Variants in POLE2 observed in about 807,000 individuals in gnomAD.
POLE2 encodes the protein DNA polymerase epsilon subunit 2.
POLE2 carries 56 observed loss-of-function variants against 79.4 expected under a neutral mutation model. That is an observed-to-expected ratio of 0.71 (90% confidence interval 0.57 to 0.88). The LOEUF (loss-of-function observed/expected upper bound fraction) is 0.88. POLE2 is among the 40% of genes least tolerant of loss of function. The probability of loss-of-function intolerance (pLI) is 0.00; values close to 1 mark genes in which losing one functional copy is unlikely to be tolerated. For synonymous variants in POLE2, 212 were observed against 214.0 expected, an observed-to-expected ratio of 0.99 and a Z score of 0.08; for missense variants, 598 against 638.9, an observed-to-expected ratio of 0.94 and a Z score of 0.69.
chr14:49,678,522 GTAAA>G (rs749545577), intron 3 of POLE2, among the ~76,000 whole-genome samples: 10 of 152,148 alleles, frequency 6.6e-5, no homozygotes, highest in East Asian at 1.9e-4. Flanking sequence ...GGGAAAATAA[GTAAA>G]TAAATAAATA....
rs201938389 is a variant in POLE2 at position 49,664,756 on chromosome 14, AAAT to A, written c.634-85_634-83del. 1,617 of 859,812 alleles carry A rather than the reference AAAT, an allele frequency of 1.9e-3. 22 individuals are homozygous for A. In the African/African-American group the frequency reaches 0.024, roughly 13 times the overall value. 53.3% of individuals were successfully genotyped at this position (859,812 alleles called of 1,614,324 possible). A position where few individuals can be genotyped will look rare whatever the true frequency, so the allele number is the denominator to read the frequency against. ...ACATTTTGAGTCCAACAAGGCTTCT[AAAT>A]AATAAATTTAAAGACTTCCCATTTG... On this transcript the variant is annotated intron_variant, in intron 8 of 18. Transcript: ENST00000216367.
At position 49,643,644 on chromosome 14, in the gene POLE2, T is replaced by G. The variant is rs1883551093; in HGVS notation, c.*8A>C. On this transcript the variant is annotated 3_prime_UTR_variant, in exon 19 of 19. Coordinates refer to ENST00000216367, the MANE Select transcript of POLE2 (RefSeq NM_002692.4). ...TGATGAATTTTCTTCAGATGATCTT[T>G]AAGAATCTCAAAAGCCTTGAAGTTT... The G allele has an allele frequency of 2.1e-6, 3 of 1,398,248 alleles. No homozygotes were observed. In the African/African-American group the frequency reaches 4.3e-5, roughly 20 times the overall value. 86.6% of individuals were successfully genotyped at this position (1,398,248 alleles called of 1,614,324 possible).
chr14:49,684,994 A>C (rs1425323719), intron 1 of POLE2, among the ~76,000 whole-genome samples: 1 of 152,106 alleles, frequency 6.6e-6, no homozygotes, highest in Admixed American at 6.6e-5. Context: ...AAATAAATAA[A>C]ATAAAATCAC....
intron 16 of POLE2, 136 bp downstream of exon 16, chr14:49,651,133 A>G: frequency 2.0e-6 from 1 of 501,528 alleles, no homozygotes; most frequent in Admixed American, 3.6e-5. Flanking sequence ...AAATTAACTT[A>G]CTGACAAAAG....
At chr14:49,660,730 A>G (rs1453661576) in intron 10 of POLE2, among the ~76,000 whole-genome samples, 4 of 152,136 alleles carry the variant, frequency 2.6e-5, no homozygotes, top group Non-Finnish European at 5.9e-5. Flanking sequence ...TGTCTCTACT[A>G]AAAATACAAA....
chr14:49,656,710 C>T (rs1166369820), intron 10 of POLE2, among the ~76,000 whole-genome samples: 1 of 152,168 alleles, frequency 6.6e-6, no homozygotes, highest in Admixed American at 6.5e-5. Context: ...CAGTTCCCAG[C>T]TTAAATGCAA....
intron 3 of POLE2, among the ~76,000 whole-genome samples, chr14:49,675,286 G>A (rs772967492): frequency 6.6e-6 from 1 of 151,748 alleles, no homozygotes; most frequent in Non-Finnish European, 1.5e-5. Flanking sequence ...GTTTCTTTAT[G>A]TTGGTCAGGC....
At chr14:49,682,559 C>T (rs1191106466) in intron 2 of POLE2, among the ~76,000 whole-genome samples, 1 of 147,240 alleles carries the variant, frequency 6.8e-6, no homozygotes, top group African/African-American at 2.5e-5. Flanking sequence ...ATCATTTGAA[C>T]CCAGGAGGCA....
At chr14:49,670,418 T>C (rs1175826504) in intron 5 of POLE2, among the ~76,000 whole-genome samples, 1 of 151,608 alleles carries the variant, frequency 6.6e-6, no homozygotes, top group African/African-American at 2.4e-5. Flanking sequence ...AGTTGAATTA[T>C]GCGGTGCACA....
chr14:49,650,443 T>C lies in POLE2; in HGVS notation c.1321-2A>G. 1 of 1,442,616 alleles carries C rather than the reference T, an allele frequency of 6.9e-7. No individual in the cohort carries two copies. The highest frequency in any genetic ancestry group is 9.2e-7 in the Non-Finnish European group (1 of 1,086,832). 89.4% of individuals were successfully genotyped at this position (1,442,616 alleles called of 1,614,324 possible). A position where few individuals can be genotyped will look rare whatever the true frequency, so the allele number is the denominator to read the frequency against. On this transcript the variant is annotated splice_acceptor_variant, in intron 16 of 18. Transcript: ENST00000216367. LOFTEE classifies it high-confidence loss of function. The stretch of plus-strand genomic sequence containing the variant: ...TTGGGATAAGATAGTCTTTACAAAC[T>C]ACAAAAGAGCACAAAACAAAGCAAA...
Position 49,650,421 on chromosome 14 carries a change from G to T in POLE2, c.1341C>A (p.Ser447=). 6.6e-7 allele frequency: 1 copy of T among 1,515,956 alleles called. No homozygotes were observed. The highest frequency in any genetic ancestry group is 8.9e-7 in the Non-Finnish European group (1 of 1,127,378). The allele number at this position is 1,515,956 out of a possible 1,614,324, so 93.9% of individuals were successfully genotyped here. Residue 447 remains serine, a synonymous_variant, in exon 17 of 19, where the codon TCC becomes TCA. Coordinates refer to ENST00000216367, the MANE Select transcript of POLE2 (RefSeq NM_002692.4). The part of the protein sequence containing the change: ...IPNHFVKTIL[S]QGHLTPLPLY... ...GAGGTAGGGGAGTCAGATGTCCTTG[G>T]GATAAGATAGTCTTTACAAACTACA...
chr14:49,663,684 T>C (rs1343498605), intron 9 of POLE2, among the ~76,000 whole-genome samples: 4 of 152,182 alleles, frequency 2.6e-5, no homozygotes. Context: ...AGTGTTTTTT[T>C]CAACTTTATT....
chr14:49,668,317 A>G (rs1344860014), intron 6 of POLE2, among the ~76,000 whole-genome samples: 1 of 151,750 alleles, frequency 6.6e-6, no homozygotes, highest in African/African-American at 2.4e-5. Flanking sequence ...GGGGAAGGGA[A>G]GGCAAAAGAA....
At chr14:49,646,977 C>T (rs45519031) in intron 18 of POLE2, 29 of 201,762 alleles carry the variant, frequency 1.4e-4, no homozygotes, top group Non-Finnish European at 2.1e-4. Flanking sequence ...AGCAACCATA[C>T]GGAGGGCAGG....
intron 10 of POLE2, among the ~76,000 whole-genome samples, chr14:49,661,401 G>A (rs1299833048): frequency 6.6e-6 from 1 of 152,148 alleles, no homozygotes; most frequent in African/African-American, 2.4e-5. Context: ...TAATTTTATA[G>A]TTGCTAGAGG....
rs571495247 is a variant in POLE2, at chr14:49,677,640, G to C, written c.245+2085C>G. 21 of 673,236 alleles carry C rather than the reference G, an allele frequency of 3.1e-5. No individual in the cohort carries two copies. In the East Asian group the frequency reaches 6.4e-4, roughly 21 times the overall value. 41.7% of individuals were successfully genotyped at this position (673,236 alleles called of 1,614,324 possible). A position where few individuals can be genotyped will look rare whatever the true frequency, so the allele number is the denominator to read the frequency against. On this transcript the variant is annotated intron_variant, in intron 3 of 18. Transcript: ENST00000216367. The stretch of plus-strand genomic sequence containing the variant: ...GAACAGACTGATGTCTGGTCCCTGG[G>C]CTGTGTGATATATGCCACAATGTTT...
intron 5 of POLE2, among the ~76,000 whole-genome samples, chr14:49,671,618 G>GAAA (rs71115391): frequency 0.017 from 981 of 58,654 alleles, 45 homozygotes; most frequent in African/African-American, 0.062. Context: ...CTCTGCCTCA[G>GAAA]AAAAAAAAAA....
chr14:49,648,230 G>A (rs896551583), intron 17 of POLE2, among the ~76,000 whole-genome samples: 15 of 152,308 alleles, frequency 9.8e-5, no homozygotes, highest in Non-Finnish European at 1.3e-4. Context: ...CCCAAGCACC[G>A]AACCCAACAC....
At chr14:49,669,959 A>G (rs905900797) in intron 5 of POLE2, among the ~76,000 whole-genome samples, 1 of 152,162 alleles carries the variant, frequency 6.6e-6, no homozygotes, top group Non-Finnish European at 1.5e-5. Context: ...CAAAGGGGCC[A>G]CTGAACAACA....
Sources: allele counts gnomAD v4.1 joint callset (sites outside exome capture counted in the v4.1 genomes callset), GRCh38; gene constraint gnomAD v4.1.1; transcripts MANE v1.5; gene names NCBI Gene and HGNC (gene_info 2026-07-23, HGNC 2026-07-21).